Variants in PCSK5 observed in about 807,000 individuals in gnomAD.
PCSK5 encodes the protein proprotein convertase subtilisin/kexin type 5, also known as prohormone convertase 5.
In PCSK5, 129 loss-of-function variants were observed where a neutral mutation model predicts 233.2. The observed-to-expected ratio is 0.55, with a 90% CI of 0.48 to 0.64. The LOEUF is 0.64. PCSK5 is among the 30% of genes least tolerant of loss of function. PCSK5 has a pLI of 0.00. For missense variants in PCSK5, 2,076 were observed against 2,430.1 expected (o/e 0.85, Z 3.06); for synonymous variants, 825 against 879.2 (o/e 0.94, Z 1.09).
At chr9:75,973,414 C>T (rs534912558) in intron 2 of PCSK5, among the ~76,000 whole-genome samples, 271 of 152,294 alleles carry the variant, frequency 1.8e-3, no homozygotes, top group Non-Finnish European at 3.0e-3. Context: ...TCTGCTTTCT[C>T]CTAGGTGTTT....
At chr9:76,165,552 CA>C (rs1288037942) in intron 12 of PCSK5, among the ~76,000 whole-genome samples, 3 of 152,244 alleles carry the variant, frequency 2.0e-5, no homozygotes, top group Admixed American at 2.0e-4. Context: ...AGGCTTCATC[CA>C]AAGTAATTTA....
chr9:76,146,259 CAAATGGGA>C (rs774421257), intron 10 of PCSK5, among the ~76,000 whole-genome samples: 21 of 151,956 alleles, frequency 1.4e-4, no homozygotes, highest in Non-Finnish European at 2.5e-4. Flanking sequence ...TGGATGTTAA[CAAATGGGA>C]AGTTGCTCTT....
chr9:75,991,211 C>T (rs768946710), intron 3 of PCSK5, among the ~76,000 whole-genome samples: 12 of 152,302 alleles, frequency 7.9e-5, no homozygotes, highest in Middle Eastern at 3.4e-3. Flanking sequence ...CGTAATTCTA[C>T]ATCATGCTTC....
In PCSK5 at chr9:76,175,025, C is replaced by T; in HGVS notation, c.1796C>T (p.Ser599Phe). The T allele has an allele frequency of 6.2e-7, 1 of 1,613,648 alleles. No individual in the cohort carries two copies. The highest frequency in any genetic ancestry group is 1.3e-5 in the African/African-American group (1 of 75,008). The change falls in exon 14 of 38, where the codon TCC (serine) becomes TTC (phenylalanine). Residue 599 changes from serine (S) to phenylalanine (F), a missense_variant. Physicochemically the swap from Ser to Phe is radical, Grantham distance 155. Coordinates refer to ENST00000674117, the MANE Select transcript of PCSK5 (RefSeq NM_001372043.1). ...TGGTCTTTGGTCCTCTACGGCACCT[C>T]CGTGCAGCCATATTCACCAACCAAT... ...KEWSLVLYGT[S>F]VQPYSPTNEF... is the part of the protein sequence containing the mutation.
At chr9:76,150,793 G>T (rs1026527645) in intron 10 of PCSK5, among the ~76,000 whole-genome samples, 1 of 152,020 alleles carries the variant, frequency 6.6e-6, no homozygotes, top group Non-Finnish European at 1.5e-5. Context: ...TGCTCCTTTC[G>T]CACTGAAATA....
chr9:76,231,476 T>C (rs1307531446), intron 21 of PCSK5, among the ~76,000 whole-genome samples: 3 of 152,348 alleles, frequency 2.0e-5, no homozygotes, highest in East Asian at 1.9e-4. Context: ...CCTTTCTCAA[T>C]TGATTTTAGC....
Position 75,891,059 on chromosome 9 carries a change from G to GGGCTGCGAGCTGCGGCGGCCCGT in PCSK5, c.-101_-100insTGGCTGCGAGCTGCGGCGGCCCG. On this transcript the variant is annotated 5_prime_UTR_variant, in exon 1 of 38. Transcript: ENST00000674117. ...CTAGCCGCCTCCTGCCGATCGCCCG[G>GGGCTGCGAGCTGCGGCGGCCCGT]GGCTGCGAGCTGCGGCGGCCCGGGG... The GGGCTGCGAGCTGCGGCGGCCCGT allele has an allele frequency of 1.1e-6, 1 of 898,014 alleles. No homozygotes were observed. The highest frequency in any genetic ancestry group is 1.5e-6 in the Non-Finnish European group (1 of 656,006). 55.6% of individuals were successfully genotyped at this position (898,014 alleles called of 1,614,324 possible).
At chr9:76,110,601 C>G (rs942854643) in intron 9 of PCSK5, among the ~76,000 whole-genome samples, 105 of 152,182 alleles carry the variant, frequency 6.9e-4, no homozygotes, top group African/African-American at 2.4e-3. Flanking sequence ...GGGGCTGAGG[C>G]AGGAGGATCC....
chr9:76,100,103 T>C (rs1831694396), intron 8 of PCSK5, among the ~76,000 whole-genome samples: 1 of 152,224 alleles, frequency 6.6e-6, no homozygotes, highest in Non-Finnish European at 1.5e-5. Context: ...CTGCCATTAC[T>C]TCTAGCACAG....
intron 9 of PCSK5, among the ~76,000 whole-genome samples, chr9:76,122,816 C>CTTTTTTT (rs11430110): frequency 7.7e-6 from 1 of 130,510 alleles, no homozygotes; most frequent in African/African-American, 2.9e-5. Flanking sequence ...CTTATTTTTT[C>CTTTTTTT]TTTTTTTTTT....
chr9:76,300,999 G>A (rs1018281323), intron 27 of PCSK5, among the ~76,000 whole-genome samples: 5 of 152,112 alleles, frequency 3.3e-5, no homozygotes, highest in Non-Finnish European at 5.9e-5. Context: ...GGGGCCATGC[G>A]CAGTGGCTCA....
intron 24 of PCSK5, among the ~76,000 whole-genome samples, chr9:76,248,150 G>C (rs1826680347): frequency 6.6e-6 from 1 of 151,982 alleles, no homozygotes; most frequent in Non-Finnish European, 1.5e-5. Flanking sequence ...GGCTGGTCTT[G>C]AACTCCTGGC....
At chr9:76,351,540 A>AGAAAGAAAG (rs1564197023) in intron 36 of PCSK5, among the ~76,000 whole-genome samples, 5 of 96,794 alleles carry the variant, frequency 5.2e-5, no homozygotes, top group African/African-American at 1.7e-4. Flanking sequence ...AAGGAAGGAA[A>AGAAAGAAAG]GAAAGAGAAA....
chr9:76,004,154 T>C (rs1460685057), intron 3 of PCSK5, among the ~76,000 whole-genome samples: 1 of 152,072 alleles, frequency 6.6e-6, no homozygotes, highest in Non-Finnish European at 1.5e-5. Flanking sequence ...ATTGCAGGAA[T>C]GGGAAACTGA....
chr9:76,309,422 G>A (rs1405907606), intron 29 of PCSK5, among the ~76,000 whole-genome samples: 1 of 152,192 alleles, frequency 6.6e-6, no homozygotes, highest in Non-Finnish European at 1.5e-5. Flanking sequence ...GGCTGGGCAT[G>A]ATGGCTCATG....
At chr9:76,074,633 T>C (rs1830583279) in intron 7 of PCSK5, among the ~76,000 whole-genome samples, 1 of 152,244 alleles carries the variant, frequency 6.6e-6, no homozygotes, top group Admixed American at 6.5e-5. Flanking sequence ...TACTTCTCTC[T>C]AACCTTATGT....
intron 1 of PCSK5, among the ~76,000 whole-genome samples, chr9:75,897,473 A>T (rs1253303181): frequency 3.4e-5 from 5 of 146,892 alleles, no homozygotes; most frequent in Non-Finnish European, 7.4e-5. Flanking sequence ...GGAGGTTGCA[A>T]GATTTTCTTT....
intron 7 of PCSK5, among the ~76,000 whole-genome samples, chr9:76,090,926 C>T (rs1186046887): frequency 2.6e-5 from 4 of 151,904 alleles, no homozygotes; most frequent in African/African-American, 7.3e-5. Context: ...ATTAGATTCT[C>T]GTGAGAAGCA....
At chr9:76,326,472 G>A (rs1185673151) in intron 32 of PCSK5, among the ~76,000 whole-genome samples, 4 of 152,170 alleles carry the variant, frequency 2.6e-5, no homozygotes, top group African/African-American at 9.7e-5. Flanking sequence ...AGATTATCCT[G>A]TAATAGATAG....
Sources: gnomAD v4.1 joint callset for allele counts (sites outside exome capture counted in the v4.1 genomes callset) on GRCh38, gnomAD v4.1.1 for gene constraint, MANE v1.5 for transcripts, NCBI Gene and HGNC (gene_info 2026-07-23, HGNC 2026-07-21) for gene names.